The following L3MBTL4 variants were observed in gnomAD, a reference collection of about 807,000 sequenced individuals.
L3MBTL4 encodes the protein L3MBTL histone methyl-lysine binding protein 4, also known as lethal(3)malignant brain tumor-like protein 4.
L3MBTL4 carries 70 observed loss-of-function variants against 84.5 expected under a neutral mutation model. The ratio of observed to expected loss-of-function variants is 0.83; its 90% CI spans 0.68 to 1.01. The LOEUF (loss-of-function observed/expected upper bound fraction) is 1.01, where lower values mean the gene tolerates loss of function less well. L3MBTL4 is among the 50% of genes least tolerant of loss of function. L3MBTL4 has a pLI of 0.00. For synonymous variants in L3MBTL4, 274 were observed against 259.8 expected, an observed-to-expected ratio of 1.05 and a Z score of -0.52; for missense variants, 715 against 754.8, an observed-to-expected ratio of 0.95 and a Z score of 0.62.
chr18:6,322,489 GGAAGGAAGGAAGGAAA>G (rs1463372994), intron 1 of L3MBTL4, among the ~76,000 whole-genome samples: 297 of 143,442 alleles, frequency 2.1e-3, no homozygotes, highest in African/African-American at 7.5e-3. Flanking sequence ...AAGGAAGGAA[GGAAGGAAGGAAGGAAA>G]GAAGGAAAAA....
chr18:6,297,579 T>G (rs2050159295), intron 4 of L3MBTL4, among the ~76,000 whole-genome samples: 1 of 152,214 alleles, frequency 6.6e-6, no homozygotes, highest in Non-Finnish European at 1.5e-5. Context: ...AGAACAGATA[T>G]TCCAACAACA....
chr18:6,081,736 G>A (rs1955366640), intron 15 of L3MBTL4, among the ~76,000 whole-genome samples: 1 of 152,176 alleles, frequency 6.6e-6, no homozygotes, highest in South Asian at 2.1e-4. Flanking sequence ...TGTGCTAGAT[G>A]AGGAAACCGA....
intron 16 of L3MBTL4, among the ~76,000 whole-genome samples, chr18:5,991,034 C>T (rs11661271): frequency 0.36 from 54,527 of 151,928 alleles, 10,121 homozygotes; most frequent in Non-Finnish European, 0.41. Flanking sequence ...CAGGCCTCCT[C>T]TTGGTCCCCT....
intron 3 of L3MBTL4, among the ~76,000 whole-genome samples, chr18:6,309,588 T>C (rs531374694): frequency 2.0e-5 from 3 of 152,338 alleles, no homozygotes; most frequent in Non-Finnish European, 4.4e-5. Context: ...CATATCTAAG[T>C]GTTAAGCACT....
chr18:6,044,113 T>C (rs1014509310), intron 16 of L3MBTL4, among the ~76,000 whole-genome samples: 3 of 152,224 alleles, frequency 2.0e-5, no homozygotes, highest in Admixed American at 6.5e-5. Context: ...AATATGAATG[T>C]CTTCTCAAGA....
At chr18:6,072,347 A>G (rs953378538) in intron 16 of L3MBTL4, among the ~76,000 whole-genome samples, 5 of 152,178 alleles carry the variant, frequency 3.3e-5, no homozygotes, top group African/African-American at 1.2e-4. Flanking sequence ...TTCAAAATCA[A>G]TAACAAAAAG....
At chr18:6,181,153 G>A (rs796241743) in intron 12 of L3MBTL4, among the ~76,000 whole-genome samples, 7 of 148,704 alleles carry the variant, frequency 4.7e-5, no homozygotes, top group African/African-American at 1.8e-4. Flanking sequence ...TTGAGGTGAG[G>A]ACAATTTTTT....
intron 12 of L3MBTL4, among the ~76,000 whole-genome samples, chr18:6,210,541 A>G (rs2046060609): frequency 6.6e-6 from 1 of 152,210 alleles, no homozygotes; most frequent in African/African-American, 2.4e-5. Context: ...CTGTGGTTTC[A>G]GTTTCTTCAT....
At chr18:6,145,262 A>G (rs953944752) in intron 13 of L3MBTL4, among the ~76,000 whole-genome samples, 4 of 152,112 alleles carry the variant, frequency 2.6e-5, no homozygotes, top group African/African-American at 9.7e-5. Flanking sequence ...CAAATTGGTG[A>G]CTCTGGGTGA....
At chr18:5,972,993 CT>C (rs2052732541) in intron 16 of L3MBTL4, among the ~76,000 whole-genome samples, 1 of 151,836 alleles carries the variant, frequency 6.6e-6, no homozygotes, top group African/African-American at 2.4e-5. Flanking sequence ...AAGAGCAAAA[CT>C]TATACCTCAT....
chr18:6,226,186 T>A (rs754503862), intron 10 of L3MBTL4, among the ~76,000 whole-genome samples: 15 of 152,140 alleles, frequency 9.9e-5, no homozygotes, highest in Non-Finnish European at 1.3e-4. Flanking sequence ...GCAGGTGGAT[T>A]ACTTGACGTC....
At chr18:6,062,140 T>C (rs1174229659) in intron 16 of L3MBTL4, among the ~76,000 whole-genome samples, 1 of 152,034 alleles carries the variant, frequency 6.6e-6, no homozygotes, top group Non-Finnish European at 1.5e-5. Context: ...GGAAAACTTA[T>C]TTTAAAATTT....
At chr18:6,301,985 G>A (rs1318188261) in intron 3 of L3MBTL4, 28 bp from the exon 4 acceptor site, 5 of 1,554,386 alleles carry the variant, frequency 3.2e-6, no homozygotes, top group Non-Finnish European at 3.6e-6. Context: ...GTGTTTAGAT[G>A]GTATTGCTGG....
At chr18:6,401,143 A>T (rs1041756390) in intron 1 of L3MBTL4, among the ~76,000 whole-genome samples, 4 of 152,196 alleles carry the variant, frequency 2.6e-5, no homozygotes, top group African/African-American at 9.7e-5. Context: ...TACAGTGCCA[A>T]GCAAGCTGAA....
At chr18:6,369,068 A>C (rs1444604435) in intron 1 of L3MBTL4, among the ~76,000 whole-genome samples, 1 of 144,850 alleles carries the variant, frequency 6.9e-6, no homozygotes, top group East Asian at 2.0e-4. Context: ...AAAAAAGTCA[A>C]TGCCTGTTAT....
Position 5,964,369 on chromosome 18 carries a change from C to T in L3MBTL4, c.1615-4213G>A, listed in dbSNP as rs141052516. Among the ~76,000 whole-genome samples the T allele has an allele frequency of 1.3e-3, 191 of 152,248 alleles. 1 individual carries two copies. The highest frequency in any genetic ancestry group is 3.4e-3 in the Middle Eastern group (1 of 294). ...GACTCATGTTCTTCCGTGGGGCTGC[C>T]GCTGCTTTAAATCTTTCCAAATGCT... On this transcript the variant is annotated intron_variant, in intron 17 of 18. Coordinates refer to ENST00000317931, the MANE Select transcript of L3MBTL4 (RefSeq NM_001330559.2).
intron 16 of L3MBTL4, among the ~76,000 whole-genome samples, chr18:6,076,774 G>A (rs1374043225): frequency 3.3e-5 from 5 of 152,022 alleles, no homozygotes; most frequent in Non-Finnish European, 7.4e-5. Context: ...TATGAAATTT[G>A]GGGATTTTTA....
At chr18:6,266,789 G>A (rs1324676371) in intron 4 of L3MBTL4, among the ~76,000 whole-genome samples, 1 of 152,092 alleles carries the variant, frequency 6.6e-6, no homozygotes, top group Non-Finnish European at 1.5e-5. Context: ...CAGGTATAAT[G>A]GTGCATGCCT....
intron 1 of L3MBTL4, among the ~76,000 whole-genome samples, chr18:6,383,463 G>C (rs778091216): frequency 6.6e-6 from 1 of 152,142 alleles, no homozygotes; most frequent in Non-Finnish European, 1.5e-5. Flanking sequence ...GGAATCTCCT[G>C]GTCTGCAGGT....
Sources: gnomAD v4.1 joint callset for allele counts (sites outside exome capture counted in the v4.1 genomes callset) on GRCh38, gnomAD v4.1.1 for gene constraint, MANE v1.5 for transcripts, NCBI Gene and HGNC (gene_info 2026-07-23, HGNC 2026-07-21) for gene names.